Variants in ZCCHC17 observed in about 807,000 individuals in gnomAD.
The protein encoded by ZCCHC17 is zinc finger CCHC domain-containing protein 17.
Under a neutral mutation model 30.6 loss-of-function variants are expected in ZCCHC17, and 18 were observed. The ratio of observed to expected loss-of-function variants is 0.59; its 90% CI spans 0.41 to 0.87. ZCCHC17 has a LOEUF of 0.87. Ranked by LOEUF, ZCCHC17 falls within the 40% of genes least tolerant of loss-of-function variation. The pLI is 0.00. For missense variants in ZCCHC17, 263 were observed against 284.2 expected (o/e 0.93, Z 0.54); for synonymous variants, 88 against 92.4 (o/e 0.95, Z 0.27).
At chr1:31,297,240 G>C (rs973638340) in intron 1 of ZCCHC17, 165 bp downstream of exon 1, 1 of 399,152 alleles carries the variant, frequency 2.5e-6, no homozygotes, top group Non-Finnish European at 4.4e-6. Flanking sequence ...GCTCCCTTTC[G>C]GGGCAGGAGC....
intron 3 of ZCCHC17, among the ~76,000 whole-genome samples, chr1:31,322,408 G>A (rs1321471604): frequency 6.6e-6 from 1 of 152,178 alleles, no homozygotes; most frequent in African/African-American, 2.4e-5. Context: ...TTGCTAGAGT[G>A]ACTCACAGAA....
intron 6 of ZCCHC17, 164 bp downstream of exon 6, chr1:31,346,904 T>C: frequency 7.0e-7 from 1 of 1,430,022 alleles, no homozygotes; most frequent in Non-Finnish European, 9.3e-7. Flanking sequence ...CATGGGGTGA[T>C]ACATTTTCTG....
chr1:31,346,266 A>C (rs2148466287), intron 5 of ZCCHC17, among the ~76,000 whole-genome samples: 1 of 152,328 alleles, frequency 6.6e-6, no homozygotes, highest in South Asian at 2.1e-4. Flanking sequence ...AGGCTGGAAA[A>C]GTAGTTTAGA....
At chr1:31,308,393 A>G (rs1646518450) in intron 1 of ZCCHC17, among the ~76,000 whole-genome samples, 1 of 152,226 alleles carries the variant, frequency 6.6e-6, no homozygotes, top group East Asian at 1.9e-4. Flanking sequence ...TTTCTGTTTC[A>G]AGTGAAGCTG....
intron 2 of ZCCHC17, among the ~76,000 whole-genome samples, chr1:31,316,581 T>C (rs757756094): frequency 6.6e-6 from 1 of 152,262 alleles, no homozygotes; most frequent in Non-Finnish European, 1.5e-5. Flanking sequence ...ATCTTTATTA[T>C]GTGGCCCTCT....
chr1:31,299,997 G>C (rs1439025637), intron 1 of ZCCHC17, among the ~76,000 whole-genome samples: 1 of 152,152 alleles, frequency 6.6e-6, no homozygotes, highest in South Asian at 2.1e-4. Context: ...TATCCTAAAA[G>C]GCTTATTCAG....
intron 3 of ZCCHC17, among the ~76,000 whole-genome samples, chr1:31,319,704 G>T (rs1001541046): frequency 1.3e-5 from 2 of 152,132 alleles, no homozygotes; most frequent in South Asian, 2.1e-4. Flanking sequence ...CAGACCGGTT[G>T]TCTGCCCAGA....
At position 31,310,052 on chromosome 1, in the gene ZCCHC17, T is replaced by C. The variant is rs757332047; in HGVS notation, c.-47T>C. On this transcript the variant is annotated 5_prime_UTR_variant, in exon 2 of 8. Transcript: ENST00000344147. ...TGATTTCTTTATGACAGGACACTTG[T>C]ATTAGCTTTAATAGAAGAGAAATGG... 1.4e-5 allele frequency: 23 copies of C among 1,588,402 alleles called. No homozygotes were observed. Among genetic ancestry groups the C allele is most frequent in the Admixed American group, 1.7e-5 (1 of 58,670 alleles).
chr1:31,355,156 C>CTG (rs1019878229), intron 7 of ZCCHC17, among the ~76,000 whole-genome samples: 17 of 142,790 alleles, frequency 1.2e-4, no homozygotes, highest in African/African-American at 4.3e-4. Context: ...GCCTGGGCGA[C>CTG]AGAGTGAGAC....
At chr1:31,334,333 CTCTCTGTGTGTGTGTGTGTGTGTG>C (rs1187608153) in intron 3 of ZCCHC17, among the ~76,000 whole-genome samples, 2 of 60,974 alleles carry the variant, frequency 3.3e-5, no homozygotes, top group African/African-American at 1.3e-4. Context: ...CTCTCTCTCT[CTCTCTGTGTGTGTGTGTGTGTGTG>C]TGTGTGTGTG....
intron 1 of ZCCHC17, among the ~76,000 whole-genome samples, chr1:31,307,363 T>G (rs16834362): frequency 0.092 from 14,041 of 152,082 alleles, 2,194 homozygotes; most frequent in African/African-American, 0.32. Flanking sequence ...TGTATGCTTA[T>G]CACAGCAGAA....
chr1:31,357,640 A>G (rs1639691942), intron 7 of ZCCHC17, among the ~76,000 whole-genome samples: 2 of 152,252 alleles, frequency 1.3e-5, no homozygotes, highest in Non-Finnish European at 2.9e-5. Context: ...TAATGTATCA[A>G]GTAGTGATAA....
chr1:31,358,617 A>G (rs928452607), intron 7 of ZCCHC17, among the ~76,000 whole-genome samples: 1 of 152,006 alleles, frequency 6.6e-6, no homozygotes, highest in African/African-American at 2.4e-5. Flanking sequence ...GAAGGAATGC[A>G]GGAGAAGTAA....
At chr1:31,297,473 A>G (rs1355387445) in intron 1 of ZCCHC17, among the ~76,000 whole-genome samples, 1 of 152,172 alleles carries the variant, frequency 6.6e-6, no homozygotes, top group Non-Finnish European at 1.5e-5. Flanking sequence ...GACAGTGATG[A>G]AGGAAATGTC....
intron 3 of ZCCHC17, among the ~76,000 whole-genome samples, chr1:31,327,516 C>T (rs1389975653): frequency 6.6e-6 from 1 of 152,206 alleles, no homozygotes; most frequent in Admixed American, 6.5e-5. Context: ...AGAAACAATT[C>T]ATAAGCTTTA....
intron 1 of ZCCHC17, 164 bp downstream of exon 1, chr1:31,297,239 C>T: frequency 2.5e-6 from 1 of 399,134 alleles, no homozygotes; most frequent in African/African-American, 2.1e-5. Flanking sequence ...GGCTCCCTTT[C>T]GGGGCAGGAG....
At chr1:31,340,313 G>T (rs1237226958) in intron 5 of ZCCHC17, among the ~76,000 whole-genome samples, 1 of 89,362 alleles carries the variant, frequency 1.1e-5, no homozygotes, top group Admixed American at 1.2e-4. Context: ...GGATCTTGGA[G>T]GGTTTTTTTT....
intron 3 of ZCCHC17, among the ~76,000 whole-genome samples, chr1:31,332,056 A>G (rs1318750224): frequency 6.6e-6 from 1 of 152,200 alleles, no homozygotes; most frequent in East Asian, 1.9e-4. Flanking sequence ...TTGTTCAGGT[A>G]TTTAATCTGA....
At chr1:31,320,348 T>G (rs1428323150) in intron 3 of ZCCHC17, among the ~76,000 whole-genome samples, 2 of 152,222 alleles carry the variant, frequency 1.3e-5, no homozygotes, top group African/African-American at 4.8e-5. Context: ...ACATTTCACC[T>G]GCTTAAAGTG....
Sources: allele counts gnomAD v4.1 joint callset (sites outside exome capture counted in the v4.1 genomes callset), GRCh38; gene constraint gnomAD v4.1.1; transcripts MANE v1.5; gene names NCBI Gene and HGNC (gene_info 2026-07-23, HGNC 2026-07-21).